The following ATRNL1 variants were observed in gnomAD, a reference collection of about 807,000 sequenced individuals.
ATRNL1 encodes attractin like 1.
In ATRNL1, 95 loss-of-function variants were observed where a neutral mutation model predicts 182.7. The ratio of observed to expected loss-of-function variants is 0.52; its 90% CI spans 0.44 to 0.62. ATRNL1 has a LOEUF of 0.62. Among genes scored for constraint, ATRNL1 ranks in the 20% least tolerant of loss-of-function variants. ATRNL1 has a pLI of 0.00. For missense variants in ATRNL1, 1,471 were observed against 1,679.5 expected (o/e 0.88, Z 2.17); for synonymous variants, 576 against 568.3 (o/e 1.01, Z -0.19).
chr10:115,104,895 CTA>C (rs1843933078), intron 1 of ATRNL1, among the ~76,000 whole-genome samples: 1 of 146,922 alleles, frequency 6.8e-6, no homozygotes. Context: ...TGTAATTGCT[CTA>C]TGTGTCCTTT....
intron 8 of ATRNL1, among the ~76,000 whole-genome samples, chr10:115,192,726 ATTCTC>A (rs1175381383): frequency 2.0e-5 from 3 of 151,844 alleles, no homozygotes; most frequent in African/African-American, 7.3e-5. Flanking sequence ...TTTTTTGTGT[ATTCTC>A]TTCAATTTCT....
intron 28 of ATRNL1, among the ~76,000 whole-genome samples, chr10:115,880,472 T>G (rs75588183): frequency 0.032 from 4,801 of 152,042 alleles, 241 homozygotes; most frequent in African/African-American, 0.11. Flanking sequence ...AATAAAAATT[T>G]TAAAAATTAG....
At chr10:115,819,571 C>T (rs543165633) in intron 27 of ATRNL1, among the ~76,000 whole-genome samples, 2 of 152,174 alleles carry the variant, frequency 1.3e-5, no homozygotes, top group African/African-American at 4.8e-5. Flanking sequence ...AAATCCATCC[C>T]TTTTTTATTA....
intron 26 of ATRNL1, among the ~76,000 whole-genome samples, chr10:115,581,844 C>T (rs1855107666): frequency 6.6e-6 from 1 of 150,982 alleles, no homozygotes; most frequent in African/African-American, 2.4e-5. Flanking sequence ...ACTGCACCCA[C>T]TAACTCGTCA....
rs370549277 is a variant in ATRNL1 at position 115,160,191 on chromosome 10, C to G, written c.981C>G (p.Tyr327Ter). The change falls in exon 6 of 29, where the codon TAC (tyrosine) becomes TAG (stop). Residue 327 changes from tyrosine (Y) to a stop codon, truncating the protein, a stop_gained. Coordinates refer to ENST00000355044, the MANE Select transcript of ATRNL1 (RefSeq NM_207303.4). LOFTEE classifies it high-confidence loss of function. ...TGATTGGTGGATATACTTTTAACTA[C>G]AGTTCTTTTCAAATGGTCCTAAAGT... ...MWVIGGYTFNYSSFQMVLNYN... is the reference protein window; with the variant it reads ...MWVIGGYTFN The G allele has an allele frequency of 1.2e-6, 2 of 1,611,354 alleles. No homozygotes were observed. Among genetic ancestry groups the G allele is most frequent in the Non-Finnish European group, 1.7e-6 (2 of 1,178,344 alleles).
At chr10:115,474,498 G>A (rs1848445128) in intron 24 of ATRNL1, among the ~76,000 whole-genome samples, 1 of 151,196 alleles carries the variant, frequency 6.6e-6, no homozygotes, top group African/African-American at 2.4e-5. Flanking sequence ...ATAAGATTTG[G>A]GAAGTTTTGA....
Position 115,522,143 on chromosome 10 carries a change from C to T in ATRNL1, c.3716+2819C>T, listed in dbSNP as rs142916121. Among the ~76,000 whole-genome samples the T allele has an allele frequency of 2.5e-3, 377 of 152,186 alleles. 1 individual carries two copies. The highest frequency in any genetic ancestry group is 8.6e-3 in the African/African-American group (358 of 41,500). On this transcript the variant is annotated intron_variant, in intron 25 of 28. Transcript: ENST00000355044. The stretch of plus-strand genomic sequence containing the variant: ...CTGGCTCTGTTCTTAATGTTTTATG[C>T]CATCTTAAGTAGGTCACTATTTTAG...
chr10:115,690,110 C>G (rs959868113), intron 26 of ATRNL1, among the ~76,000 whole-genome samples: 44 of 152,130 alleles, frequency 2.9e-4, no homozygotes, highest in African/African-American at 1.1e-3. Context: ...TAGTCCCAGA[C>G]AGGGAGGTCT....
At chr10:115,248,497 G>A (rs1009434873) in intron 10 of ATRNL1, among the ~76,000 whole-genome samples, 10 of 151,994 alleles carry the variant, frequency 6.6e-5, no homozygotes, top group Non-Finnish European at 1.3e-4. Flanking sequence ...ACTGTGATTC[G>A]TTATCTGGGA....
intron 9 of ATRNL1, among the ~76,000 whole-genome samples, chr10:115,234,451 G>A (rs1432282177): frequency 6.6e-6 from 1 of 151,822 alleles, no homozygotes; most frequent in Non-Finnish European, 1.5e-5. Context: ...AAAAAACAAA[G>A]ATACTCTCTT....
At chr10:115,399,692 T>C (rs1002578393) in intron 20 of ATRNL1, among the ~76,000 whole-genome samples, 1 of 152,060 alleles carries the variant, frequency 6.6e-6, no homozygotes, top group African/African-American at 2.4e-5. Flanking sequence ...TGATTTTGTT[T>C]ATTTCTTGTC....
intron 5 of ATRNL1, among the ~76,000 whole-genome samples, chr10:115,142,946 T>G (rs577402048): frequency 3.3e-5 from 5 of 152,284 alleles, no homozygotes; most frequent in African/African-American, 1.2e-4. Context: ...AGGAAGAATA[T>G]TTGGTTATGG....
chr10:115,500,593 G>A (rs1849775435), intron 24 of ATRNL1, among the ~76,000 whole-genome samples: 1 of 152,060 alleles, frequency 6.6e-6, no homozygotes, highest in African/African-American at 2.4e-5. Context: ...GCCCAGGCTG[G>A]AGTGCAATGG....
At chr10:115,519,654 A>G (rs932297907) in intron 25 of ATRNL1, among the ~76,000 whole-genome samples, 1 of 152,176 alleles carries the variant, frequency 6.6e-6, no homozygotes, top group Admixed American at 6.6e-5. Context: ...AGTTACATCT[A>G]CAAGAACTAA....
At chr10:115,914,470 T>C (rs918419916) in intron 28 of ATRNL1, among the ~76,000 whole-genome samples, 17 of 152,168 alleles carry the variant, frequency 1.1e-4, no homozygotes, top group African/African-American at 4.1e-4. Context: ...TCAAGGCAGA[T>C]GGAGACTGGT....
intron 16 of ATRNL1, 148 bp from the exon 17 acceptor site, chr10:115,301,707 C>A: frequency 1.8e-6 from 1 of 546,444 alleles, no homozygotes; most frequent in South Asian, 4.5e-5. Flanking sequence ...ATTGATATAT[C>A]ATCTTTGTTT....
At chr10:115,588,733 G>T (rs1281532196) in intron 26 of ATRNL1, among the ~76,000 whole-genome samples, 1 of 152,138 alleles carries the variant, frequency 6.6e-6, no homozygotes, top group Non-Finnish European at 1.5e-5. Flanking sequence ...TATTTTCCCA[G>T]TGTGTACAAG....
At chr10:115,738,783 A>G (rs1350948014) in intron 27 of ATRNL1, among the ~76,000 whole-genome samples, 2 of 152,064 alleles carry the variant, frequency 1.3e-5, no homozygotes, top group African/African-American at 4.8e-5. Context: ...GTATTACTGA[A>G]ATTATTGAAA....
intron 9 of ATRNL1, among the ~76,000 whole-genome samples, chr10:115,219,386 A>G (rs1227100601): frequency 1.3e-5 from 2 of 152,110 alleles, no homozygotes; most frequent in African/African-American, 4.8e-5. Flanking sequence ...TTCAGGTGAC[A>G]TTTTTCGCCT....
Sources: gnomAD v4.1 joint callset for allele counts (sites outside exome capture counted in the v4.1 genomes callset) on GRCh38, gnomAD v4.1.1 for gene constraint, MANE v1.5 for transcripts, NCBI Gene and HGNC (gene_info 2026-07-23, HGNC 2026-07-21) for gene names.